The following SHISAL1 variants were observed in gnomAD, a reference collection of about 807,000 sequenced individuals.
SHISAL1 encodes protein shisa-like-1.
In SHISAL1, 9 loss-of-function variants were observed where a neutral mutation model predicts 22.6. The ratio of observed to expected loss-of-function variants is 0.40; its 90% CI spans 0.24 to 0.70. The LOEUF (loss-of-function observed/expected upper bound fraction) is 0.70. Ranked by LOEUF, SHISAL1 falls within the 30% of genes least tolerant of loss-of-function variation. The pLI, the probability that SHISAL1 is intolerant of heterozygous loss-of-function variation, is 0.39. For synonymous variants in SHISAL1, 119 were observed against 115.4 expected, an observed-to-expected ratio of 1.03 and a Z score of -0.20; for missense variants, 246 against 270.6, an observed-to-expected ratio of 0.91 and a Z score of 0.64.
intron 4 of SHISAL1, among the ~76,000 whole-genome samples, chr22:44,257,914 G>A (rs1054538433): frequency 1.3e-5 from 2 of 152,184 alleles, no homozygotes; most frequent in Admixed American, 6.5e-5. Context: ...GGCCGAGGTG[G>A]GCGGATCACC....
intron 4 of SHISAL1, among the ~76,000 whole-genome samples, chr22:44,255,953 T>C (rs1037665810): frequency 6.6e-6 from 1 of 152,244 alleles, no homozygotes; most frequent in Admixed American, 6.5e-5. Context: ...ACCTAGCAGA[T>C]GGAGGAAAAC....
At chr22:44,280,893 G>A (rs1326354552) in intron 4 of SHISAL1, among the ~76,000 whole-genome samples, 1 of 152,140 alleles carries the variant, frequency 6.6e-6, no homozygotes, top group Non-Finnish European at 1.5e-5. Context: ...GCCACTGCCT[G>A]TGCCCCGGAT....
At chr22:44,287,162 T>G (rs2055321875) in intron 3 of SHISAL1, among the ~76,000 whole-genome samples, 1 of 152,212 alleles carries the variant, frequency 6.6e-6, no homozygotes, top group Non-Finnish European at 1.5e-5. Context: ...CCCTTGCCTG[T>G]CTCTGGGCCT....
At chr22:44,325,975 C>T in the SHISAL1 span, among the ~76,000 whole-genome samples, 3 of 151,972 alleles carry the variant, frequency 2.0e-5, no homozygotes, top group Non-Finnish European at 4.4e-5. Flanking sequence ...TTTAGTTCTC[C>T]TTCCCTTCCC....
chr22:44,303,524 T>A (rs56930386), intron 1 of SHISAL1, among the ~76,000 whole-genome samples: 10,489 of 152,064 alleles, frequency 0.069, 447 homozygotes, highest in East Asian at 0.15. Flanking sequence ...ATGCCAAAGA[T>A]TGCCAGCGAA....
At chr22:44,322,840 C>T in the SHISAL1 span, among the ~76,000 whole-genome samples, 1 of 152,238 alleles carries the variant, frequency 6.6e-6, no homozygotes, top group Non-Finnish European at 1.5e-5. Context: ...CAAAGGGAAG[C>T]TTCTGCCCCC....
In SHISAL1 at chr22:44,310,004, G is replaced by T. The variant is rs989470353; in HGVS notation, c.-33+2747C>A. On this transcript the variant is annotated intron_variant, in intron 1 of 4. Coordinates refer to ENST00000381176, the MANE Select transcript of SHISAL1 (RefSeq NM_001099294.2). This position sits in a 1 kb window ranked among gnomAD's most constrained non-coding sequence, Gnocchi z 4.0. The stretch of plus-strand genomic sequence containing the variant: ...CGCTGTGCTGGCCAGGACCGAGGCA[G>T]CCAGAGTGTATGGCTGGAGAAGGAC... 1.4e-4 allele frequency among the ~76,000 whole-genome samples: 22 copies of T among 152,330 alleles called. No homozygotes were observed. Among genetic ancestry groups the T allele is most frequent in the Admixed American group, 5.9e-4 (9 of 15,302 alleles).
rs1035369087 is a variant in SHISAL1, at chr22:44,277,200, C to T, written c.599+8228G>A. Among the ~76,000 whole-genome samples the T allele has an allele frequency of 5.3e-5, 8 of 152,324 alleles. No homozygotes were observed. The East Asian group carries it at 7.7e-4, about 15-fold the overall frequency. ...AGCCGTGAACAGTGGGGAAGGCTCA[C>T]GGACGCGATGCCGGGAGAGGGATCC... On this transcript the variant is annotated intron_variant, in intron 4 of 4. Transcript: ENST00000381176.
chr22:44,313,250 C>T (rs1236272848), upstream of SHISAL1, among the ~76,000 whole-genome samples: 2 of 152,260 alleles, frequency 1.3e-5, no homozygotes, highest in African/African-American at 4.8e-5. Flanking sequence ...ATGCTTGGCA[C>T]AATACATGTG....
At position 44,312,843 on chromosome 22, in the gene SHISAL1, A is replaced by T. The variant is rs1331029855; in HGVS notation, c.-125T>A. On this transcript the variant is annotated 5_prime_UTR_variant, in exon 1 of 5. Coordinates refer to ENST00000381176, the MANE Select transcript of SHISAL1 (RefSeq NM_001099294.2). ...GCCTCTTCCCCGGCTCCTGGTTGCC[A>T]CCAACCTTAAACCCCAATAAAAGGA... 1 of 152,268 alleles carries T rather than the reference A, an allele frequency of 6.6e-6. No individual in the cohort carries two copies. Among genetic ancestry groups the T allele is most frequent in the Non-Finnish European group, 1.5e-5 (1 of 68,086 alleles). 9.4% of individuals were successfully genotyped at this position (152,268 alleles called of 1,614,324 possible).
Position 44,248,463 on chromosome 22 carries a change from G to A in SHISAL1, c.*1222C>T, listed in dbSNP as rs1671599699. 1 of 152,294 alleles carries A rather than the reference G, an allele frequency of 6.6e-6. No homozygotes were observed. The highest frequency in any genetic ancestry group is 2.4e-5 in the African/African-American group (1 of 41,450). The allele number at this position is 152,294 out of a possible 1,614,324, so 9.4% of individuals were successfully genotyped here. On this transcript the variant is annotated 3_prime_UTR_variant, in exon 5 of 5. Transcript: ENST00000381176. ...ATCTCATAGGTGTCCCAGGGCAGCG[G>A]GGCAGGAGTGGGGGTGATTAGCTCG...
intron 4 of SHISAL1, among the ~76,000 whole-genome samples, chr22:44,263,906 T>C (rs2055143961): frequency 6.6e-6 from 1 of 152,182 alleles, no homozygotes; most frequent in South Asian, 2.1e-4. Flanking sequence ...GCATTTGTGA[T>C]AGTTTATTAC....
chr22:44,298,977 G>T (rs1184421082), intron 2 of SHISAL1, among the ~76,000 whole-genome samples: 2 of 152,224 alleles, frequency 1.3e-5, no homozygotes, highest in African/African-American at 4.8e-5. Flanking sequence ...GCATGAGGCT[G>T]CCTGGGCCAT....
chr22:44,324,836 T>G, the SHISAL1 span, among the ~76,000 whole-genome samples: 1 of 152,170 alleles, frequency 6.6e-6, no homozygotes, highest in Non-Finnish European at 1.5e-5. Flanking sequence ...CGGCTCATTC[T>G]CCAAAGGCCT....
chr22:44,324,014 T>A, the SHISAL1 span, among the ~76,000 whole-genome samples: 2 of 152,184 alleles, frequency 1.3e-5, no homozygotes. Flanking sequence ...GTGCTGTAAT[T>A]TGTCCAAGGC....
At chr22:44,291,217 G>A (rs1486619799) in intron 3 of SHISAL1, among the ~76,000 whole-genome samples, 1 of 152,204 alleles carries the variant, frequency 6.6e-6, no homozygotes, top group Non-Finnish European at 1.5e-5. Context: ...CTACGGCCTT[G>A]TCACAGAATG....
At chr22:44,321,683 G>C in the SHISAL1 span, among the ~76,000 whole-genome samples, 2 of 152,100 alleles carry the variant, frequency 1.3e-5, no homozygotes, top group African/African-American at 4.8e-5. Flanking sequence ...TGCCTGCCTG[G>C]CACCCACCCC....
In SHISAL1 at chr22:44,296,698, C is replaced by T. The variant is rs372469393; in HGVS notation, c.255G>A (p.Thr85=). The T allele has an allele frequency of 5.0e-5, 80 of 1,613,722 alleles. No individual in the cohort carries two copies. The Admixed American group carries it at 8.5e-4, about 17-fold the overall frequency. The change falls in exon 3 of 5, where the codon ACG becomes ACA. Residue 85 remains threonine (T), a synonymous_variant. Coordinates refer to ENST00000381176, the MANE Select transcript of SHISAL1 (RefSeq NM_001099294.2). ...EFQAVMQANL[T]ASSEGYMHNN... ...TGTGCATGTAACCCTCGGAGCTGGC[C>T]GTGAGGTTCGCCTGCATCACCGCCT...
At chr22:44,293,196 C>T (rs927041256) in intron 3 of SHISAL1, among the ~76,000 whole-genome samples, 7 of 152,206 alleles carry the variant, frequency 4.6e-5, no homozygotes, top group East Asian at 1.9e-4. Flanking sequence ...CGCCCCCCTC[C>T]GCAGGAGCAC....
Sources: allele counts gnomAD v4.1 joint callset (sites outside exome capture counted in the v4.1 genomes callset), GRCh38; gene constraint gnomAD v4.1.1; non-coding constraint Gnocchi (gnomAD v3.1); transcripts MANE v1.5; gene names NCBI Gene and HGNC (gene_info 2026-07-23, HGNC 2026-07-21).